The following B3GALT1 variants were observed in gnomAD, a reference collection of about 807,000 sequenced individuals.
B3GALT1 encodes beta-1,3-galactosyltransferase 1, also known as UDP-Gal:betaGlcNAc beta 1,3-galactosyltransferase, polypeptide 1.
Under a neutral mutation model 23.2 loss-of-function variants are expected in B3GALT1, and 10 were observed. That is an observed-to-expected ratio of 0.43 (90% CI 0.27 to 0.73). The LOEUF (loss-of-function observed/expected upper bound fraction) is 0.73, where lower values mean the gene tolerates loss of function less well. B3GALT1 is among the 30% of genes least tolerant of loss of function. The pLI, the probability that B3GALT1 is intolerant of heterozygous loss-of-function variation, is 0.21. For missense variants in B3GALT1, 299 were observed against 405.4 expected, an observed-to-expected ratio of 0.74 and a Z score of 2.25; for synonymous variants, 156 against 141.5, an observed-to-expected ratio of 1.10 and a Z score of -0.73.
chr2:167,661,324 G>A (rs1686056798), intron 3 of B3GALT1, among the ~76,000 whole-genome samples: 1 of 152,014 alleles, frequency 6.6e-6, no homozygotes, highest in Non-Finnish European at 1.5e-5. Context: ...GTGCTGAACT[G>A]ATGCTTGAGT....
chr2:167,777,309 C>G (rs1688177589), intron 3 of B3GALT1, among the ~76,000 whole-genome samples: 4 of 152,114 alleles, frequency 2.6e-5, no homozygotes, highest in Non-Finnish European at 5.9e-5. Flanking sequence ...TCATAGTCTA[C>G]CAATAAACAA....
chr2:167,618,562 A>G (rs556607018), intron 2 of B3GALT1, among the ~76,000 whole-genome samples: 1 of 152,176 alleles, frequency 6.6e-6, no homozygotes, highest in Non-Finnish European at 1.5e-5. Flanking sequence ...GTACTATCTA[A>G]TCTACAAATC....
At chr2:167,364,706 T>G (rs1697560203) in intron 1 of B3GALT1, among the ~76,000 whole-genome samples, 1 of 152,236 alleles carries the variant, frequency 6.6e-6, no homozygotes, top group African/African-American at 2.4e-5. Context: ...CCATGGTGTA[T>G]ATGTGCCACA....
chr2:167,385,729 A>G (rs1283224955), intron 1 of B3GALT1, among the ~76,000 whole-genome samples: 1 of 152,112 alleles, frequency 6.6e-6, no homozygotes. Context: ...CGTATTAGAC[A>G]CCTTTTTTTT....
At chr2:167,510,426 T>TC (rs1162298715) in intron 2 of B3GALT1, among the ~76,000 whole-genome samples, 2 of 148,630 alleles carry the variant, frequency 1.3e-5, no homozygotes, top group South Asian at 2.1e-4. Context: ...TTTTTTTTTT[T>TC]CCAGCCTAAG....
At chr2:167,719,200 A>G (rs1324357654) in intron 3 of B3GALT1, among the ~76,000 whole-genome samples, 2 of 152,152 alleles carry the variant, frequency 1.3e-5, no homozygotes, top group Admixed American at 1.3e-4. Flanking sequence ...AAGCTTCATG[A>G]CTATAATTTT....
chr2:167,757,077 T>C (rs145568869), intron 3 of B3GALT1, among the ~76,000 whole-genome samples: 108 of 152,336 alleles, frequency 7.1e-4, no homozygotes, highest in African/African-American at 2.5e-3. Context: ...TCATCTATTA[T>C]ACGGGACTAA....
intron 1 of B3GALT1, among the ~76,000 whole-genome samples, chr2:167,301,148 T>G (rs1286747264): frequency 1.3e-5 from 2 of 152,194 alleles, no homozygotes; most frequent in Non-Finnish European, 2.9e-5. Flanking sequence ...AAAAACAAGA[T>G]GGACTACAGA....
chr2:167,845,768 A>G (rs1689744527), intron 4 of B3GALT1, among the ~76,000 whole-genome samples: 1 of 151,976 alleles, frequency 6.6e-6, no homozygotes, highest in Non-Finnish European at 1.5e-5. Flanking sequence ...CCAAGAAGAA[A>G]TCCCTGATTT....
rs1491030577 is a variant in B3GALT1, at chr2:167,512,606, A to ACG, written c.-410+22329_-410+22330insCG. Reference sequence around the variant, plus strand: ...TATATATATATGTGTATATATATATATGTATATATATATACGTGTATATAT... The same window carrying ACG: ...TATATATATATGTGTATATATATATACGTGTATATATATATACGTGTATATAT... On this transcript the variant is annotated intron_variant, in intron 2 of 4. Coordinates refer to ENST00000392690, the MANE Select transcript of B3GALT1 (RefSeq NM_020981.4). 1.0e-4 allele frequency among the ~76,000 whole-genome samples: 10 copies of ACG among 95,294 alleles called. 1 individual carries two copies. The highest frequency in any genetic ancestry group is 7.2e-4 in the African/African-American group (10 of 13,876). The allele number at this position is 95,294 out of a possible 152,430, so 62.5% of individuals were successfully genotyped here.
chr2:167,648,556 G>A (rs990217086), intron 3 of B3GALT1, among the ~76,000 whole-genome samples: 1 of 151,960 alleles, frequency 6.6e-6, no homozygotes, highest in Non-Finnish European at 1.5e-5. Flanking sequence ...CCACACTAAT[G>A]TATAGATTTC....
At chr2:167,568,970 T>G (rs1020582780) in intron 2 of B3GALT1, among the ~76,000 whole-genome samples, 1 of 152,046 alleles carries the variant, frequency 6.6e-6, no homozygotes, top group Admixed American at 6.6e-5. Flanking sequence ...CACCATTTGT[T>G]GAAAAGACCA....
intron 4 of B3GALT1, among the ~76,000 whole-genome samples, chr2:167,835,218 GC>G (rs2105385560): frequency 6.6e-6 from 1 of 152,326 alleles, no homozygotes; most frequent in East Asian, 1.9e-4. Flanking sequence ...GCGAGCCGAA[GC>G]AGGGCGAGGC....
chr2:167,647,167 T>A (rs192551690), intron 3 of B3GALT1, among the ~76,000 whole-genome samples: 1 of 152,346 alleles, frequency 6.6e-6, no homozygotes, highest in East Asian at 1.9e-4. Flanking sequence ...AGTGGCCATG[T>A]TCCCCATGAA....
At chr2:167,373,644 A>G (rs574317619) in intron 1 of B3GALT1, among the ~76,000 whole-genome samples, 54 of 152,336 alleles carry the variant, frequency 3.5e-4, no homozygotes, top group African/African-American at 1.2e-3. Context: ...AAATGAAGAT[A>G]TTAGCATTTA....
At chr2:167,547,693 C>CAAA (rs71031296) in intron 2 of B3GALT1, among the ~76,000 whole-genome samples, 9 of 75,450 alleles carry the variant, frequency 1.2e-4, no homozygotes, top group South Asian at 4.4e-4. Context: ...GACTCTGTCT[C>CAAA]AAAAAAAAAA....
intron 2 of B3GALT1, among the ~76,000 whole-genome samples, chr2:167,570,520 A>G (rs1264690528): frequency 4.0e-5 from 6 of 151,876 alleles, no homozygotes; most frequent in African/African-American, 1.5e-4. Flanking sequence ...TTTGCTTCTA[A>G]GCGATTGTAG....
chr2:167,364,163 CAAAAAAAAAAAAA>C (rs34314925), intron 1 of B3GALT1, among the ~76,000 whole-genome samples: 5 of 63,152 alleles, frequency 7.9e-5, no homozygotes, highest in Admixed American at 2.1e-4. Flanking sequence ...GACTCCATCT[CAAAAAAAAAAAAA>C]AAAAAAAAAA....
rs575485528 is a variant in B3GALT1, at chr2:167,335,561, G to T, written c.-511+42227G>T. 9.9e-5 allele frequency among the ~76,000 whole-genome samples: 15 copies of T among 152,260 alleles called. No individual in the cohort carries two copies. The South Asian group carries it at 3.1e-3, about 32-fold the overall frequency. On this transcript the variant is annotated intron_variant, in intron 1 of 4. Transcript: ENST00000392690. ...ATTATTCATGAGTTTCCGGGGAAGG[G>T]GGTGGGCAGTTCCCAGAACTGAGGT...
Sources: gnomAD v4.1 joint callset for allele counts (sites outside exome capture counted in the v4.1 genomes callset) on GRCh38, gnomAD v4.1.1 for gene constraint, MANE v1.5 for transcripts, NCBI Gene and HGNC (gene_info 2026-07-23, HGNC 2026-07-21) for gene names.